Variants in INPP4B observed in about 807,000 individuals in gnomAD.
The protein encoded by INPP4B is inositol polyphosphate-4-phosphatase type II B, also known as inositol polyphosphate 4-phosphatase type II.
A neutral mutation model predicts 122.5 loss-of-function variants in INPP4B; 55 were observed. The ratio of observed to expected loss-of-function variants is 0.45; its 90% CI spans 0.36 to 0.56. The LOEUF is 0.56. Ranked by LOEUF, INPP4B falls within the 20% of genes least tolerant of loss-of-function variation. INPP4B has a pLI of 0.00. For synonymous variants in INPP4B, 403 were observed against 388.7 expected (o/e 1.04, Z -0.43); for missense variants, 1,000 against 1,097.7 (o/e 0.91, Z 1.26).
intron 21 of INPP4B, among the ~76,000 whole-genome samples, chr4:142,118,559 A>C (rs56334109): frequency 0.13 from 20,434 of 152,150 alleles, 1,547 homozygotes; most frequent in East Asian, 0.23. Context: ...TTCCCTATTT[A>C]ATAAATGGTG....
At chr4:142,441,854 A>C (rs1245548745) in intron 3 of INPP4B, among the ~76,000 whole-genome samples, 1 of 150,450 alleles carries the variant, frequency 6.6e-6, no homozygotes, top group Non-Finnish European at 1.5e-5. Flanking sequence ...ACATAAGCAC[A>C]TTTAAATGCT....
intron 23 of INPP4B, among the ~76,000 whole-genome samples, chr4:142,087,727 G>C (rs1777531924): frequency 6.6e-6 from 1 of 152,122 alleles, no homozygotes; most frequent in Non-Finnish European, 1.5e-5. Context: ...TTTCAAATTT[G>C]TACCAGATGT....
At chr4:142,329,015 T>C (rs1463861383) in intron 7 of INPP4B, among the ~76,000 whole-genome samples, 1 of 152,216 alleles carries the variant, frequency 6.6e-6, no homozygotes, top group African/African-American at 2.4e-5. Context: ...CTTTCCTTGC[T>C]CTCACCTCCC....
chr4:142,067,650 C>G (rs1441705991), intron 25 of INPP4B, among the ~76,000 whole-genome samples: 1 of 152,056 alleles, frequency 6.6e-6, no homozygotes, highest in Admixed American at 6.5e-5. Context: ...CCTAATGGAG[C>G]TGAAAACCAT....
chr4:142,110,215 G>A (rs1164771300), intron 22 of INPP4B, among the ~76,000 whole-genome samples: 1 of 151,996 alleles, frequency 6.6e-6, no homozygotes, highest in East Asian at 1.9e-4. Context: ...CTTTCCACAG[G>A]CACAAAGAAG....
chr4:142,645,114 A>G (rs1751454716), intron 2 of INPP4B, among the ~76,000 whole-genome samples: 2 of 152,190 alleles, frequency 1.3e-5, no homozygotes. Context: ...AATAAGACTC[A>G]TTTGTTAATT....
chr4:142,121,455 T>G (rs116712125), intron 21 of INPP4B, among the ~76,000 whole-genome samples: 1,631 of 152,172 alleles, frequency 0.011, 48 homozygotes, highest in African/African-American at 0.037. Context: ...TTAAATATCC[T>G]CATGCAGCAA....
intron 1 of INPP4B, among the ~76,000 whole-genome samples, chr4:142,762,383 CAG>C (rs940432274): frequency 4.6e-5 from 7 of 152,068 alleles, no homozygotes; most frequent in Non-Finnish European, 8.8e-5. Context: ...TTTGGGAAGA[CAG>C]ATCATCTTAG....
At position 142,023,225 on chromosome 4, in the gene INPP4B, C is replaced by T. The variant is rs1467740137; in HGVS notation, c.*5557G>A. The T allele has an allele frequency of 6.6e-6, 1 of 151,890 alleles. No individual in the cohort carries two copies. The allele number at this position is 151,890 out of a possible 1,614,324, so 9.4% of individuals were successfully genotyped here. On this transcript the variant is annotated 3_prime_UTR_variant, in exon 26 of 26. Transcript: ENST00000262992. ...CAGTGTACAATGAATATGGTTTACA[C>T]AGAACAATAAAACAAAAATGATATC...
At position 142,490,255 on chromosome 4, in the gene INPP4B, T is replaced by A. The variant is rs746394970; in HGVS notation, c.-190-27529A>T. On this transcript the variant is annotated intron_variant, in intron 2 of 25. Transcript: ENST00000262992. ...GCGTGCCACTACCCTAAGCTAATTT[T>A]TATATATATATTTTGTAGAGACAGG... Among the ~76,000 whole-genome samples, 37 of 151,892 alleles carry A rather than the reference T, an allele frequency of 2.4e-4. 1 individual carries two copies. In the South Asian group the frequency reaches 2.9e-3, roughly 12 times the overall value.
chr4:142,543,263 A>C (rs2150040708), intron 2 of INPP4B, among the ~76,000 whole-genome samples: 1 of 152,248 alleles, frequency 6.6e-6, no homozygotes, highest in Admixed American at 6.5e-5. Flanking sequence ...TTTCCAATTA[A>C]GTTTAGTGGT....
intron 2 of INPP4B, among the ~76,000 whole-genome samples, chr4:142,637,800 C>T (rs563018374): frequency 1.8e-4 from 28 of 152,278 alleles, no homozygotes; most frequent in African/African-American, 6.7e-4. Context: ...GGCTGCATAA[C>T]TTTGCATTCC....
intron 2 of INPP4B, among the ~76,000 whole-genome samples, chr4:142,662,577 A>G (rs1022282008): frequency 6.6e-6 from 1 of 152,114 alleles, no homozygotes; most frequent in Non-Finnish European, 1.5e-5. Context: ...ACTTGAGAAG[A>G]GATTGTGTCA....
intron 7 of INPP4B, among the ~76,000 whole-genome samples, chr4:142,334,179 CA>C (rs1205092267): frequency 6.6e-6 from 1 of 152,102 alleles, no homozygotes; most frequent in Non-Finnish European, 1.5e-5. Context: ...TTGCAAATGA[CA>C]GAATTTCTTA....
chr4:142,671,077 G>A (rs1356367138), intron 2 of INPP4B, among the ~76,000 whole-genome samples: 1 of 152,122 alleles, frequency 6.6e-6, no homozygotes, highest in Admixed American at 6.6e-5. Context: ...CAGTGTGGAA[G>A]ATAATTATTT....
intron 2 of INPP4B, among the ~76,000 whole-genome samples, chr4:142,481,109 T>C (rs1272224542): frequency 2.3e-5 from 3 of 128,794 alleles, no homozygotes; most frequent in Admixed American, 9.7e-5. Flanking sequence ...CACTCCAGCC[T>C]GGCAACAGAG....
At chr4:142,429,313 T>C (rs1808792908) in intron 4 of INPP4B, 96 bp from the exon 5 acceptor site, 1 of 664,250 alleles carries the variant, frequency 1.5e-6, no homozygotes. Context: ...CCAGAATGAA[T>C]AAAGACAGTA....
chr4:142,133,650 C>T (rs1172412764), intron 18 of INPP4B, among the ~76,000 whole-genome samples: 2 of 152,272 alleles, frequency 1.3e-5, no homozygotes, highest in East Asian at 3.9e-4. Flanking sequence ...ATGATCCTTC[C>T]CCTAAGTTAC....
intron 7 of INPP4B, among the ~76,000 whole-genome samples, chr4:142,331,038 C>T (rs78549999): frequency 0.089 from 13,585 of 152,160 alleles, 728 homozygotes; most frequent in Non-Finnish European, 0.12. Flanking sequence ...AACTTAAAAA[C>T]ATTTTCAGAT....
Sources: gnomAD v4.1 joint callset for allele counts (sites outside exome capture counted in the v4.1 genomes callset) on GRCh38, gnomAD v4.1.1 for gene constraint, MANE v1.5 for transcripts, NCBI Gene and HGNC (gene_info 2026-07-23, HGNC 2026-07-21) for gene names.